LINGO2: variants seen among roughly 807,000 people sequenced by gnomAD.
LINGO2 encodes the protein leucine-rich repeat and immunoglobulin-like domain-containing nogo receptor-interacting protein 2.
Under a neutral mutation model 30.6 loss-of-function variants are expected in LINGO2, and 14 were observed. That is an observed-to-expected ratio of 0.46 (90% CI 0.30 to 0.72). LINGO2 has a LOEUF of 0.72. Ranked by LOEUF, LINGO2 falls within the 30% of genes least tolerant of loss-of-function variation. LINGO2 has a pLI of 0.07. For synonymous variants in LINGO2, 317 were observed against 288.5 expected, an observed-to-expected ratio of 1.10 and a Z score of -1.00; for missense variants, 729 against 751.7, an observed-to-expected ratio of 0.97 and a Z score of 0.35.
At chr9:28,710,560 G>GA in the LINGO2 span, among the ~76,000 whole-genome samples, 1 of 151,954 alleles carries the variant, frequency 6.6e-6, no homozygotes, top group African/African-American at 2.4e-5. Context: ...TCAGCCAATG[G>GA]AAAGGTTTGT....
intron 1 of LINGO2, among the ~76,000 whole-genome samples, chr9:28,493,319 A>C (rs973897748): frequency 6.6e-6 from 1 of 152,174 alleles, no homozygotes; most frequent in Non-Finnish European, 1.5e-5. Context: ...GTAACCAAGA[A>C]AGAAAGTATT....
chr9:28,059,297 T>C (rs1194611953), intron 4 of LINGO2, among the ~76,000 whole-genome samples: 1 of 152,144 alleles, frequency 6.6e-6, no homozygotes, highest in Non-Finnish European at 1.5e-5. Context: ...GGATTACCAA[T>C]AAATAGCATG....
chr9:28,008,161 T>C (rs1822361960), intron 5 of LINGO2, among the ~76,000 whole-genome samples: 1 of 152,176 alleles, frequency 6.6e-6, no homozygotes, highest in Non-Finnish European at 1.5e-5. Flanking sequence ...TGAAAAGTGA[T>C]GAAGTAGGGA....
rs143879316 is a variant in LINGO2 at position 28,615,202 on chromosome 9, T to A, written c.-365+54998A>T. ...ATCAGGGATGCTCATCCCTAGAATA[T>A]CTTGGTCATTGATTTGTCCACTTCT... On this transcript the variant is annotated intron_variant, in intron 1 of 5. Coordinates refer to ENST00000379992, the Ensembl canonical transcript of LINGO2. Among the ~76,000 whole-genome samples the A allele has an allele frequency of 2.0e-3, 305 of 152,246 alleles. 3 individuals are homozygous for A. Among genetic ancestry groups the A allele is most frequent in the African/African-American group, 7.0e-3 (293 of 41,562 alleles).
rs1827349400 is a variant in LINGO2, at chr9:28,130,408, CCAGACTG to C, written c.-86-118010_-86-118004del. Among the ~76,000 whole-genome samples, 1 of 152,150 alleles carries C rather than the reference CCAGACTG, an allele frequency of 6.6e-6. No individual in the cohort carries two copies. Among genetic ancestry groups the C allele is most frequent in the Non-Finnish European group, 1.5e-5 (1 of 68,020 alleles). On this transcript the variant is annotated intron_variant, in intron 4 of 5. Coordinates refer to ENST00000379992, the Ensembl canonical transcript of LINGO2. The surrounding 1 kb of genome is among the most constrained non-coding windows in gnomAD (Gnocchi z 5.2). ...GACAGAGCTATGTTGGGAGACAGTG[CCAGACTG>C]CTAAACTTTAAGTTCTTTTTCTTCC...
At chr9:28,266,151 C>T (rs1363976843) in intron 4 of LINGO2, among the ~76,000 whole-genome samples, 1 of 151,960 alleles carries the variant, frequency 6.6e-6, no homozygotes, top group African/African-American at 2.4e-5. Flanking sequence ...TTCTACCTTG[C>T]TAAAGCTTTC....
intron 4 of LINGO2, among the ~76,000 whole-genome samples, chr9:28,170,839 A>G (rs977314891): frequency 5.3e-5 from 8 of 152,146 alleles, no homozygotes; most frequent in African/African-American, 1.9e-4. Context: ...ACACCCTGGG[A>G]GCAAACCCAG....
chr9:28,275,899 C>G (rs192163177), intron 4 of LINGO2, among the ~76,000 whole-genome samples: 52 of 152,202 alleles, frequency 3.4e-4, no homozygotes, highest in Admixed American at 3.1e-3. Flanking sequence ...TCAAGTAGAG[C>G]AAAATTAGAA....
At chr9:28,136,656 C>A (rs1207972882) in intron 4 of LINGO2, among the ~76,000 whole-genome samples, 1 of 152,140 alleles carries the variant, frequency 6.6e-6, no homozygotes, top group Non-Finnish European at 1.5e-5. Flanking sequence ...CAATGTTAGA[C>A]TTTCTTATGT....
At chr9:28,303,146 A>G (rs1824212152) in intron 3 of LINGO2, among the ~76,000 whole-genome samples, 1 of 152,200 alleles carries the variant, frequency 6.6e-6, no homozygotes, top group Non-Finnish European at 1.5e-5. Context: ...AATATCAGGT[A>G]TATACAGACA....
intron 4 of LINGO2, among the ~76,000 whole-genome samples, chr9:28,201,896 C>G (rs1168151471): frequency 6.6e-6 from 1 of 152,072 alleles, no homozygotes; most frequent in Non-Finnish European, 1.5e-5. Flanking sequence ...GCAGTTGATG[C>G]TACACTTGCG....
chr9:28,703,267 TC>T, the LINGO2 span, among the ~76,000 whole-genome samples: 1 of 151,896 alleles, frequency 6.6e-6, no homozygotes, highest in African/African-American at 2.4e-5. Context: ...GCTATATATT[TC>T]CCTGTAATCA....
chr9:28,616,845 T>C (rs1424682164), intron 1 of LINGO2, among the ~76,000 whole-genome samples: 3 of 152,200 alleles, frequency 2.0e-5, no homozygotes, highest in Non-Finnish European at 4.4e-5. Flanking sequence ...ACTGTATGGG[T>C]TCTGAACTTC....
At chr9:27,994,487 G>A (rs777997794) in intron 5 of LINGO2, among the ~76,000 whole-genome samples, 4 of 152,032 alleles carry the variant, frequency 2.6e-5, no homozygotes, top group Non-Finnish European at 4.4e-5. Context: ...GGGAGGTCTG[G>A]GAAATCCCAC....
the LINGO2 span, among the ~76,000 whole-genome samples, chr9:29,203,409 C>T: frequency 6.6e-6 from 1 of 152,160 alleles, no homozygotes; most frequent in Non-Finnish European, 1.5e-5. Context: ...GTTAAGGCCA[C>T]TTACAGAAAA....
intron 1 of LINGO2, among the ~76,000 whole-genome samples, chr9:28,575,945 C>CACACAG (rs1357073460): frequency 6.6e-6 from 1 of 151,774 alleles, no homozygotes; most frequent in Non-Finnish European, 1.5e-5. Flanking sequence ...CACACACACA[C>CACACAG]ACACACATAC....
At chr9:28,168,616 A>G (rs1165515926) in intron 4 of LINGO2, among the ~76,000 whole-genome samples, 2 of 152,262 alleles carry the variant, frequency 1.3e-5, no homozygotes, top group African/African-American at 4.8e-5. Context: ...ATTAGTTTTC[A>G]AAATGGGCAA....
chr9:28,848,579 C>T, the LINGO2 span, among the ~76,000 whole-genome samples: 13 of 150,514 alleles, frequency 8.6e-5, no homozygotes, highest in Non-Finnish European at 1.6e-4. Flanking sequence ...CAAAATGACT[C>T]ATCTCAACAA....
chr9:28,792,111 A>G, the LINGO2 span, among the ~76,000 whole-genome samples: 1 of 151,764 alleles, frequency 6.6e-6, no homozygotes, highest in Non-Finnish European at 1.5e-5. Context: ...AGAACTAATT[A>G]CAGAACTAAA....
Sources: allele counts gnomAD v4.1 joint callset (sites outside exome capture counted in the v4.1 genomes callset), GRCh38; gene constraint gnomAD v4.1.1; non-coding constraint Gnocchi (gnomAD v3.1); transcripts MANE v1.5; gene names NCBI Gene and HGNC (gene_info 2026-07-23, HGNC 2026-07-21).